Variants in OLFM2 observed in about 807,000 individuals in gnomAD.
OLFM2 encodes the protein olfactomedin 2.
OLFM2 carries 20 observed loss-of-function variants against 43.9 expected under a neutral mutation model. That is an observed-to-expected ratio of 0.46 (90% CI 0.32 to 0.66). OLFM2 has a LOEUF of 0.66. Ranked by LOEUF, OLFM2 falls within the 30% of genes least tolerant of loss-of-function variation. OLFM2 has a pLI of 0.04. For synonymous variants in OLFM2, 268 were observed against 278.6 expected (o/e 0.96, Z 0.38); for missense variants, 416 against 643.6 (o/e 0.65, Z 3.83).
chr19:9,922,992 C>A (rs1348626264), intron 1 of OLFM2, among the ~76,000 whole-genome samples: 1 of 151,662 alleles, frequency 6.6e-6, no homozygotes, highest in Admixed American at 6.6e-5. Context: ...TATGGAGCAA[C>A]TGGAACACTT....
intron 1 of OLFM2, among the ~76,000 whole-genome samples, chr19:9,897,800 T>C (rs1023757381): frequency 6.6e-6 from 1 of 152,158 alleles, no homozygotes; most frequent in Non-Finnish European, 1.5e-5. Context: ...CTGGCTTTCT[T>C]CCCATGGAGC....
At chr19:9,896,262 G>A (rs571414991) in intron 1 of OLFM2, among the ~76,000 whole-genome samples, 124 of 151,512 alleles carry the variant, frequency 8.2e-4, no homozygotes, top group African/African-American at 2.9e-3. Flanking sequence ...CACCACGCCC[G>A]ACTAATTTTT....
At chr19:9,876,089 T>A (rs1364236558) in intron 1 of OLFM2, among the ~76,000 whole-genome samples, 1 of 152,140 alleles carries the variant, frequency 6.6e-6, no homozygotes, top group African/African-American at 2.4e-5. Context: ...CAATTTAATC[T>A]CTTGCCTGAA....
intron 1 of OLFM2, among the ~76,000 whole-genome samples, chr19:9,912,332 T>G (rs979110196): frequency 2.0e-5 from 3 of 152,048 alleles, no homozygotes; most frequent in African/African-American, 7.2e-5. Context: ...CACCCTTGCC[T>G]TCGACCCTAG....
rs2046331896 is a variant in OLFM2, at chr19:9,857,592, C to T, written c.361-110G>A. 6.4e-7 allele frequency: 1 copy of T among 1,555,754 alleles called. No individual in the cohort carries two copies. The highest frequency in any genetic ancestry group is 1.4e-5 in the African/African-American group (1 of 74,028). Reference sequence around the variant, plus strand: ...CCCTTTGTCTTTGATGCACACCTGGCCCTTGACATGTGGCTCATATTGGAC... The same window carrying T: ...CCCTTTGTCTTTGATGCACACCTGGTCCTTGACATGTGGCTCATATTGGAC... On this transcript the variant is annotated intron_variant, in intron 3 of 5. Transcript: ENST00000264833. The surrounding 1 kb of genome is among the most constrained non-coding windows in gnomAD (Gnocchi z 5.7).
chr19:9,918,936 C>A (rs999772265), intron 1 of OLFM2, among the ~76,000 whole-genome samples: 5 of 152,068 alleles, frequency 3.3e-5, no homozygotes, highest in African/African-American at 1.2e-4. Context: ...AAAATTGGAT[C>A]GGGGTGATGG....
At chr19:9,909,695 G>A (rs187758699) in intron 1 of OLFM2, among the ~76,000 whole-genome samples, 97 of 152,162 alleles carry the variant, frequency 6.4e-4, no homozygotes, top group Non-Finnish European at 9.4e-4. Flanking sequence ...CCGACGTTGG[G>A]GTGCTAAACC....
chr19:9,860,910 T>C (rs1223510369), intron 1 of OLFM2, 116 bp from the exon 2 acceptor site: 1 of 1,045,128 alleles, frequency 9.6e-7, no homozygotes, highest in Non-Finnish European at 1.4e-6. Flanking sequence ...GCTCCGGGCA[T>C]ATGCCAGTGC....
At chr19:9,880,584 G>A (rs774949640) in intron 1 of OLFM2, among the ~76,000 whole-genome samples, 3 of 152,026 alleles carry the variant, frequency 2.0e-5, no homozygotes, top group Non-Finnish European at 4.4e-5. Context: ...GCAAGAGAGC[G>A]AGACCCCATC....
intron 1 of OLFM2, among the ~76,000 whole-genome samples, chr19:9,887,169 AT>A (rs1436793330): frequency 6.6e-6 from 1 of 151,272 alleles, no homozygotes; most frequent in Non-Finnish European, 1.5e-5. Context: ...AATCCACCCA[AT>A]TTTTCTTTTT....
chr19:9,879,557 C>A (rs1006849732), intron 1 of OLFM2, among the ~76,000 whole-genome samples: 1 of 152,078 alleles, frequency 6.6e-6, no homozygotes, highest in African/African-American at 2.4e-5. Context: ...CTGAGGCCTC[C>A]CCAGCTATGG....
chr19:9,869,055 A>G (rs2046424166), intron 1 of OLFM2, among the ~76,000 whole-genome samples: 1 of 151,944 alleles, frequency 6.6e-6, no homozygotes, highest in South Asian at 2.1e-4. Context: ...GAGGCTAAGA[A>G]AAACTCATCC....
At chr19:9,859,478 G>A (rs1293212613) in intron 2 of OLFM2, among the ~76,000 whole-genome samples, 5 of 152,184 alleles carry the variant, frequency 3.3e-5, no homozygotes, top group South Asian at 2.1e-4. Flanking sequence ...CACCACGCCC[G>A]GCTAATTTTT....
chr19:9,903,127 C>T (rs1465503615), intron 1 of OLFM2, among the ~76,000 whole-genome samples: 2 of 152,154 alleles, frequency 1.3e-5, no homozygotes, highest in South Asian at 2.1e-4. Flanking sequence ...CTCCTGGGTT[C>T]AAGTGATCCT....
chr19:9,912,781 C>T (rs1347763813), intron 1 of OLFM2, among the ~76,000 whole-genome samples: 2 of 151,920 alleles, frequency 1.3e-5, no homozygotes, highest in Admixed American at 6.6e-5. Context: ...CCCCGTCTAC[C>T]TCCCAGGGAG....
intron 1 of OLFM2, among the ~76,000 whole-genome samples, chr19:9,883,463 C>T (rs191962118): frequency 1.9e-4 from 29 of 151,906 alleles, no homozygotes; most frequent in Admixed American, 1.6e-3. Flanking sequence ...CCTTTGTTAG[C>T]GAGAATGGGC....
At chr19:9,930,406 T>C (rs1040530880) in intron 1 of OLFM2, among the ~76,000 whole-genome samples, 2 of 152,182 alleles carry the variant, frequency 1.3e-5, no homozygotes, top group African/African-American at 4.8e-5. Context: ...AATTTTGTAC[T>C]ATAGCTGAAC....
chr19:9,899,853 G>A (rs557291360), intron 1 of OLFM2, among the ~76,000 whole-genome samples: 14 of 151,456 alleles, frequency 9.2e-5, no homozygotes, highest in Admixed American at 9.2e-4. Flanking sequence ...CACCACACCC[G>A]CCCCACCCCC....
chr19:9,870,339 G>C lies in OLFM2; in HGVS notation c.64-9545C>G, dbSNP rs1276736020. On this transcript the variant is annotated intron_variant, in intron 1 of 5. Coordinates refer to ENST00000264833, the MANE Select transcript of OLFM2 (RefSeq NM_058164.4). ...GGATCTGGCAAAGTCTCATGGAGTT[G>C]GGGTTGAGGCTGTGGGATCATGAGG... Among the ~76,000 whole-genome samples, 5 of 152,302 alleles carry C rather than the reference G, an allele frequency of 3.3e-5. No individual in the cohort carries two copies. The East Asian group carries it at 9.7e-4, about 29-fold the overall frequency.
Sources: allele counts gnomAD v4.1 joint callset (sites outside exome capture counted in the v4.1 genomes callset), GRCh38; gene constraint gnomAD v4.1.1; non-coding constraint Gnocchi (gnomAD v3.1); transcripts MANE v1.5; gene names NCBI Gene and HGNC (gene_info 2026-07-23, HGNC 2026-07-21).